Variants in PNKD observed in about 807,000 individuals in gnomAD.
PNKD encodes the protein PNKD metallo-beta-lactamase domain containing.
Under a neutral mutation model 45.3 loss-of-function variants are expected in PNKD, and 36 were observed. That is an observed-to-expected ratio of 0.80 (90% CI 0.61 to 1.05). The LOEUF is 1.05. Ranked by LOEUF, PNKD falls within the 50% of genes least tolerant of loss-of-function variation. The pLI, the probability that PNKD is intolerant of heterozygous loss-of-function variation, is 0.00. For missense variants in PNKD, 511 were observed against 506.6 expected (o/e 1.01, Z -0.08); for synonymous variants, 197 against 210.1 (o/e 0.94, Z 0.54).
At position 218,340,724 on chromosome 2, in the gene PNKD, G is replaced by A. The variant is rs1383461623; in HGVS notation, c.466-4G>A. 11 of 1,612,532 alleles carry A rather than the reference G, an allele frequency of 6.8e-6. No individual in the cohort carries two copies. Among genetic ancestry groups the A allele is most frequent in the African/African-American group, 2.7e-5 (2 of 74,834 alleles). On this transcript the variant is annotated splice_polypyrimidine_tract_variant and splice_region_variant and intron_variant, in intron 4 of 9. Coordinates refer to ENST00000273077, the MANE Select transcript of PNKD (RefSeq NM_015488.5). The surrounding 1 kb of genome is among the most constrained non-coding windows in gnomAD (Gnocchi z 4.2). The stretch of plus-strand genomic sequence containing the variant: ...CCAGTCTCCAAACCTCCTCTCTCTC[G>A]CAGGCTTCCATTGAAAAGGAAGGGG...
intron 2 of PNKD, among the ~76,000 whole-genome samples, chr2:218,336,107 C>T (rs1235871916): frequency 1.3e-5 from 2 of 149,304 alleles, no homozygotes; most frequent in African/African-American, 2.5e-5. Flanking sequence ...CCCAGCTACT[C>T]GGGAGGCTGA....
Position 218,339,844 on chromosome 2 carries a change from G to T in PNKD, c.298G>T (p.Ala100Ser). 1 of 1,613,248 alleles carries T rather than the reference G, an allele frequency of 6.2e-7. No homozygotes were observed. Among genetic ancestry groups the T allele is most frequent in the Non-Finnish European group, 8.5e-7 (1 of 1,179,642 alleles). The change falls in exon 3 of 10, where the codon GCT (alanine) becomes TCT (serine). Residue 100 changes from alanine (A) to serine (S), a missense_variant. Ala to Ser is a moderately conservative substitution (Grantham distance 99). Transcript: ENST00000273077. ...CTTCTACCGACAGCAGCTGCGCAGG[G>T]CTCGGAATCGCTACCCTAAAGGCCA... ...YLFYRQQLRR[A>S]RNRYPKGHSK...
chr2:218,323,297 G>T, intron 2 of PNKD: 1 of 1,554,626 alleles, frequency 6.4e-7, no homozygotes. Flanking sequence ...CCGCGGCGTG[G>T]CAGTGGGTCG....
intron 2 of PNKD, among the ~76,000 whole-genome samples, chr2:218,294,091 T>G (rs1693077359): frequency 6.6e-6 from 1 of 152,126 alleles, no homozygotes; most frequent in African/African-American, 2.4e-5. Context: ...TTCAGTGTAC[T>G]TCCAGTTCCT....
At chr2:218,336,150 G>A (rs920896734) in intron 2 of PNKD, among the ~76,000 whole-genome samples, 2 of 142,346 alleles carry the variant, frequency 1.4e-5, no homozygotes, top group Non-Finnish European at 3.0e-5. Context: ...GGGAGGCAGA[G>A]GTTGCAGTGA....
chr2:218,338,968 T>G (rs111984051), intron 2 of PNKD, among the ~76,000 whole-genome samples: 5,095 of 151,436 alleles, frequency 0.034, 109 homozygotes, highest in African/African-American at 0.062. Context: ...ATTCTTTTTT[T>G]TGTGTGTGTA....
chr2:218,338,949 C>T (rs1420267764), intron 2 of PNKD, among the ~76,000 whole-genome samples: 2 of 151,866 alleles, frequency 1.3e-5, no homozygotes, highest in Middle Eastern at 3.4e-3. Context: ...TGTGCCACCA[C>T]GCCCAGCTAT....
chr2:218,317,291 G>A (rs80297638), intron 2 of PNKD, among the ~76,000 whole-genome samples: 5,587 of 152,234 alleles, frequency 0.037, 301 homozygotes, highest in African/African-American at 0.12. Context: ...TCTGGGGGAC[G>A]GACCAGAATT....
intron 2 of PNKD, among the ~76,000 whole-genome samples, chr2:218,339,387 G>A (rs1173292787): frequency 1.4e-4 from 22 of 151,878 alleles, no homozygotes; most frequent in African/African-American, 4.8e-4. Context: ...CACCACACCC[G>A]ACTAAGTTTT....
intron 2 of PNKD, among the ~76,000 whole-genome samples, chr2:218,319,482 TCTC>T (rs1693924743): frequency 1.3e-5 from 2 of 151,452 alleles, no homozygotes; most frequent in African/African-American, 2.4e-5. Flanking sequence ...TTCAAGCAGT[TCTC>T]CTGCCTCAGC....
Position 218,272,773 on chromosome 2 carries a change from G to A in PNKD, c.236+1224G>A, listed in dbSNP as rs141629745. ...GGGGTGCAGACCTGAGGAGCGCTGC[G>A]ACCCTCCTAGGCTATTGACTGTTAA... On this transcript the variant is annotated intron_variant, in intron 2 of 9. Coordinates refer to ENST00000273077, the MANE Select transcript of PNKD (RefSeq NM_015488.5). 1.3e-4 allele frequency: 209 copies of A among 1,614,000 alleles called. 1 individual carries two copies. In the African/African-American group the frequency reaches 1.5e-3, roughly 11 times the overall value.
chr2:218,345,129 G>T lies in PNKD; in HGVS notation c.*148G>T. On this transcript the variant is annotated 3_prime_UTR_variant, in exon 10 of 10. Transcript: ENST00000273077. The stretch of plus-strand genomic sequence containing the variant: ...CCCACACTGCTCAGGGGAGGGGAGG[G>T]ATCAGGCGATGAGACTGTGAGGCCA... 3 of 665,070 alleles carry T rather than the reference G, an allele frequency of 4.5e-6. No individual in the cohort carries two copies. In the South Asian group the frequency reaches 5.8e-5, roughly 13 times the overall value. The allele number at this position is 665,070 out of a possible 1,614,324, so 41.2% of individuals were successfully genotyped here.
intron 2 of PNKD, among the ~76,000 whole-genome samples, chr2:218,337,944 C>A (rs1276878143): frequency 1.3e-5 from 2 of 151,442 alleles, no homozygotes; most frequent in Non-Finnish European, 2.9e-5. Flanking sequence ...GTCAAGAGAT[C>A]GAGACCATCC....
chr2:218,303,880 G>A (rs546849261), intron 2 of PNKD, among the ~76,000 whole-genome samples: 3 of 151,606 alleles, frequency 2.0e-5, no homozygotes, highest in South Asian at 4.2e-4. Context: ...GGCCAGACCC[G>A]CACTTCTTTG....
intron 2 of PNKD, among the ~76,000 whole-genome samples, chr2:218,336,780 C>T (rs1694506134): frequency 6.8e-6 from 1 of 146,438 alleles, no homozygotes; most frequent in African/African-American, 2.5e-5. Context: ...CACACCTGGC[C>T]TTCAATTCTT....
chr2:218,308,373 G>A (rs190012990), intron 2 of PNKD, among the ~76,000 whole-genome samples: 34 of 151,948 alleles, frequency 2.2e-4, no homozygotes, highest in African/African-American at 8.2e-4. Context: ...ATTTTTAGTA[G>A]AGACGGGGTT....
chr2:218,271,135 C>A, intron 1 of PNKD: 1 of 576,150 alleles, frequency 1.7e-6, no homozygotes, highest in East Asian at 3.0e-5. Context: ...GGAAGAACAG[C>A]GAAGCTTTTC....
intron 2 of PNKD, among the ~76,000 whole-genome samples, chr2:218,308,206 T>TTTTA (rs1693476861): frequency 6.7e-6 from 1 of 149,602 alleles, no homozygotes; most frequent in African/African-American, 2.5e-5. Flanking sequence ...TTTTTTTTTT[T>TTTTA]GAGACAGAGT....
chr2:218,339,829 C>T lies in PNKD; in HGVS notation c.283C>T (p.Gln95Ter), dbSNP rs779107999. The T allele has an allele frequency of 1.2e-6, 2 of 1,613,890 alleles. No homozygotes were observed. Among genetic ancestry groups the T allele is most frequent in the South Asian group, 1.1e-5 (1 of 91,056 alleles). ...CTGGCTCGGGTACCTCTTCTACCGA[C>T]AGCAGCTGCGCAGGGCTCGGAATCG... is the stretch of plus-strand genomic sequence containing the variant. ...RTWLGYLFYRQQLRRARNRYP... is the reference protein window; with the variant it reads ...RTWLGYLFYR The change falls in exon 3 of 10, where the codon CAG (glutamine) becomes TAG (stop). Residue 95 changes from glutamine (Q) to a stop codon, truncating the protein, a stop_gained. Coordinates refer to ENST00000273077, the MANE Select transcript of PNKD (RefSeq NM_015488.5). LOFTEE classifies it high-confidence loss of function.
Sources: allele counts gnomAD v4.1 joint callset (sites outside exome capture counted in the v4.1 genomes callset), GRCh38; gene constraint gnomAD v4.1.1; non-coding constraint Gnocchi (gnomAD v3.1); transcripts MANE v1.5; gene names NCBI Gene and HGNC (gene_info 2026-07-23, HGNC 2026-07-21).